The following FNDC3A variants were observed in gnomAD, a reference collection of about 807,000 sequenced individuals.
FNDC3A encodes the protein fibronectin type III domain containing 3A.
FNDC3A carries 32 observed loss-of-function variants against 148.9 expected under a neutral mutation model. The observed-to-expected ratio is 0.21, with a 90% CI of 0.16 to 0.29. The LOEUF (loss-of-function observed/expected upper bound fraction) is 0.29. Among genes scored for constraint, FNDC3A ranks in the 10% least tolerant of loss-of-function variants. The pLI is 1.00. For missense variants in FNDC3A, 1,191 were observed against 1,452.8 expected (o/e 0.82, Z 2.93); for synonymous variants, 472 against 473.6 (o/e 1.00, Z 0.04).
At chr13:49,165,117 T>A (rs1387965381) in intron 8 of FNDC3A, among the ~76,000 whole-genome samples, 1 of 152,254 alleles carries the variant, frequency 6.6e-6, no homozygotes, top group African/African-American at 2.4e-5. Context: ...ATATTTGAGC[T>A]GAGCATCTTT....
intron 2 of FNDC3A, among the ~76,000 whole-genome samples, chr13:49,015,615 G>A (rs938788119): frequency 6.6e-6 from 1 of 152,216 alleles, no homozygotes; most frequent in Admixed American, 6.5e-5. Flanking sequence ...TAATTGCCCT[G>A]GCCAGAACTT....
At chr13:49,179,440 C>CTG (rs1395040998) in intron 14 of FNDC3A, among the ~76,000 whole-genome samples, 12 of 152,070 alleles carry the variant, frequency 7.9e-5, no homozygotes, top group Admixed American at 3.3e-4. Context: ...TTTGTAAATA[C>CTG]TGTGTACCCT....
chr13:49,166,682 C>T (rs1228872482), intron 8 of FNDC3A, among the ~76,000 whole-genome samples: 1 of 152,178 alleles, frequency 6.6e-6, no homozygotes, highest in African/African-American at 2.4e-5. Flanking sequence ...CCTTTCCCCA[C>T]ACTGGACAAC....
chr13:49,052,617 GT>G (rs1875923105), intron 2 of FNDC3A, among the ~76,000 whole-genome samples: 1 of 152,174 alleles, frequency 6.6e-6, no homozygotes, highest in East Asian at 1.9e-4. Flanking sequence ...CTTTGGTTGT[GT>G]TTTTGTTTAG....
intron 4 of FNDC3A, among the ~76,000 whole-genome samples, chr13:49,128,304 T>A (rs1345804280): frequency 6.6e-6 from 1 of 152,222 alleles, no homozygotes; most frequent in Non-Finnish European, 1.5e-5. Flanking sequence ...GTTTCCCTGC[T>A]TTTGTCTTTG....
intron 2 of FNDC3A, among the ~76,000 whole-genome samples, chr13:49,057,954 T>C (rs1421058174): frequency 6.6e-6 from 1 of 152,146 alleles, no homozygotes; most frequent in Non-Finnish European, 1.5e-5. Context: ...ATTTATATGT[T>C]GAAGTCCTAA....
intron 3 of FNDC3A, among the ~76,000 whole-genome samples, chr13:49,080,194 A>G (rs1221058691): frequency 6.6e-6 from 1 of 152,210 alleles, no homozygotes; most frequent in Non-Finnish European, 1.5e-5. Flanking sequence ...CTATTGTCCC[A>G]TACCATTTTT....
intron 3 of FNDC3A, among the ~76,000 whole-genome samples, chr13:49,093,068 T>A (rs143730516): frequency 1.3e-5 from 2 of 152,310 alleles, no homozygotes; most frequent in East Asian, 3.9e-4. Context: ...AATTTTTACC[T>A]GCACCAAGAT....
intron 2 of FNDC3A, among the ~76,000 whole-genome samples, chr13:49,073,094 G>A (rs1877813249): frequency 6.6e-6 from 1 of 152,036 alleles, no homozygotes; most frequent in African/African-American, 2.4e-5. Flanking sequence ...GCTATCATTG[G>A]ACAGCACAGC....
chr13:49,131,715 G>A (rs1024134975), intron 5 of FNDC3A, among the ~76,000 whole-genome samples: 1 of 152,158 alleles, frequency 6.6e-6, no homozygotes, highest in African/African-American at 2.4e-5. Flanking sequence ...CCTATTGGCT[G>A]TGATGCCACT....
chr13:49,175,476 A>G lies in FNDC3A; in HGVS notation c.1465A>G (p.Lys489Glu). ...GITWLSLQWS[K>E]PSGTPSDEGI... is the part of the protein sequence containing the mutation. ...TACTTGGTTATCCTTACAATGGAGT[A>G]AGCCCTCAGGAACACCATCAGATGA... Residue 489 changes from lysine to glutamate, a missense_variant, in exon 13 of 26, where the codon AAG becomes GAG. By Grantham distance (56) the Lys-to-Glu change is moderately conservative. This residue lies in a region of FNDC3A where 751 missense variants were observed against 944.0 expected (regional missense o/e 0.80). Coordinates refer to ENST00000492622, the MANE Select transcript of FNDC3A (RefSeq NM_001079673.2). 1 of 1,613,030 alleles carries G rather than the reference A, an allele frequency of 6.2e-7. No individual in the cohort carries two copies. Among genetic ancestry groups the G allele is most frequent in the Non-Finnish European group, 8.5e-7 (1 of 1,179,298 alleles).
intron 3 of FNDC3A, among the ~76,000 whole-genome samples, chr13:49,100,440 G>A (rs913623661): frequency 1.3e-5 from 2 of 151,974 alleles, no homozygotes; most frequent in African/African-American, 2.4e-5. Flanking sequence ...TCCCTCTTAC[G>A]CTAAGCGTTA....
At chr13:49,070,899 G>A (rs149049593) in intron 2 of FNDC3A, among the ~76,000 whole-genome samples, 1 of 91,610 alleles carries the variant, frequency 1.1e-5, no homozygotes, top group East Asian at 3.4e-4. Context: ...TTTTTGTTTT[G>A]TTTTTTTTCT....
chr13:49,044,662 T>C, intron 2 of FNDC3A: 1 of 225,262 alleles, frequency 4.4e-6, no homozygotes, highest in South Asian at 6.3e-5. Context: ...AAAGTGAGAC[T>C]CTGTCTCAAA....
chr13:49,046,026 C>T (rs1302142235), intron 2 of FNDC3A: 1 of 167,676 alleles, frequency 6.0e-6, no homozygotes, highest in Non-Finnish European at 1.3e-5. Flanking sequence ...TGAGATAGAA[C>T]ACTCTTCTTG....
At chr13:48,992,293 ATAAATTGTACTT>A (rs1951937200) in intron 1 of FNDC3A, among the ~76,000 whole-genome samples, 1 of 152,232 alleles carries the variant, frequency 6.6e-6, no homozygotes, top group Non-Finnish European at 1.5e-5. Context: ...TGACAAATCG[ATAAATTGTACTT>A]TATCATAATT....
At chr13:49,091,343 T>TAA (rs533316300) in intron 3 of FNDC3A, among the ~76,000 whole-genome samples, 3 of 134,350 alleles carry the variant, frequency 2.2e-5, no homozygotes, top group African/African-American at 5.4e-5. Context: ...AATACAGACT[T>TAA]AAAAAAAAAA....
chr13:48,990,814 T>C (rs1951902165), intron 1 of FNDC3A, among the ~76,000 whole-genome samples: 1 of 152,016 alleles, frequency 6.6e-6, no homozygotes, highest in Non-Finnish European at 1.5e-5. Flanking sequence ...TATACAATAA[T>C]AGCAAAAATC....
intron 2 of FNDC3A, among the ~76,000 whole-genome samples, chr13:49,069,883 A>T (rs1348873597): frequency 1.3e-5 from 2 of 152,234 alleles, no homozygotes; most frequent in African/African-American, 4.8e-5. Flanking sequence ...GAGATAGGCC[A>T]GAATAGTATA....
Sources: gnomAD v4.1 joint callset for allele counts (sites outside exome capture counted in the v4.1 genomes callset) on GRCh38, gnomAD v4.1.1 for gene constraint, gnomAD v4.1.1 regional missense constraint, MANE v1.5 for transcripts, NCBI Gene and HGNC (gene_info 2026-07-23, HGNC 2026-07-21) for gene names.